LUZP1: variants seen among roughly 807,000 people sequenced by gnomAD.
LUZP1 encodes the protein leucine zipper protein 1.
A neutral mutation model predicts 71.3 loss-of-function variants in LUZP1; 25 were observed. The ratio of observed to expected loss-of-function variants is 0.35; its 90% CI spans 0.26 to 0.49. The LOEUF is 0.49. Among genes scored for constraint, LUZP1 ranks in the 20% least tolerant of loss-of-function variants. The pLI, the probability that LUZP1 is intolerant of heterozygous loss-of-function variation, is 0.99. For synonymous variants in LUZP1, 481 were observed against 506.4 expected, an observed-to-expected ratio of 0.95 and a Z score of 0.67; for missense variants, 1,142 against 1,300.8, an observed-to-expected ratio of 0.88 and a Z score of 1.88.
intron 2 of LUZP1, among the ~76,000 whole-genome samples, chr1:23,116,384 G>A (rs1644078835): frequency 6.6e-6 from 1 of 152,116 alleles, no homozygotes; most frequent in Admixed American, 6.5e-5. Flanking sequence ...GGCCAGGCAT[G>A]GTGGTATATG....
intron 2 of LUZP1, among the ~76,000 whole-genome samples, chr1:23,130,485 A>G (rs1033387596): frequency 6.7e-6 from 1 of 149,910 alleles, no homozygotes; most frequent in Non-Finnish European, 1.5e-5. Flanking sequence ...AGGGAAAGAG[A>G]GGCGGGGTTA....
chr1:23,145,099 C>T (rs975933245), intron 2 of LUZP1, among the ~76,000 whole-genome samples: 1 of 151,982 alleles, frequency 6.6e-6, no homozygotes, highest in Admixed American at 6.6e-5. Flanking sequence ...GACAGGGTTT[C>T]ACCATGTTGC....
At chr1:23,105,573 G>GTACC (rs1643974059) in intron 3 of LUZP1, among the ~76,000 whole-genome samples, 1 of 152,158 alleles carries the variant, frequency 6.6e-6, no homozygotes, top group African/African-American at 2.4e-5. Context: ...GCTTAGACTA[G>GTACC]TACCTGGTCT....
chr1:23,117,477 C>CTCT (rs34248788), intron 2 of LUZP1, among the ~76,000 whole-genome samples: 449 of 13,840 alleles, frequency 0.032, 7 homozygotes, highest in Non-Finnish European at 0.04. Context: ...CTCTCTCTCT[C>CTCT]CCCCCCCCCC....
At chr1:23,122,609 C>T (rs1356837318) in intron 2 of LUZP1, among the ~76,000 whole-genome samples, 2 of 152,190 alleles carry the variant, frequency 1.3e-5, no homozygotes, top group African/African-American at 2.4e-5. Context: ...CAGGCTAAGC[C>T]GATTAGTTTA....
At chr1:23,147,591 T>C (rs1176715796) in intron 2 of LUZP1, among the ~76,000 whole-genome samples, 1 of 107,714 alleles carries the variant, frequency 9.3e-6, no homozygotes, top group Admixed American at 1.4e-4. Flanking sequence ...CTGGGCAACA[T>C]AGTAAGACCC....
chr1:23,130,157 A>G (rs1199426282), intron 2 of LUZP1, among the ~76,000 whole-genome samples: 1 of 152,168 alleles, frequency 6.6e-6, no homozygotes, highest in African/African-American at 2.4e-5. Context: ...TACCCTTTCC[A>G]TCTCATCAAA....
At chr1:23,142,700 T>TACACACACACAC (rs60316911) in intron 2 of LUZP1, among the ~76,000 whole-genome samples, 3 of 104,338 alleles carry the variant, frequency 2.9e-5, no homozygotes, top group Middle Eastern at 4.1e-3. Flanking sequence ...TATATATATA[T>TACACACACACAC]ACACACACAC....
chr1:23,177,080 G>A lies in LUZP1; in HGVS notation c.-485+411C>T, dbSNP rs538872060. Among the ~76,000 whole-genome samples the A allele has an allele frequency of 4.6e-5, 7 of 151,600 alleles. No homozygotes were observed. In the East Asian group the frequency reaches 1.2e-3, roughly 25 times the overall value. On this transcript the variant is annotated intron_variant, in intron 1 of 4. Transcript: ENST00000302291. ...AATTTTCTGTAAGGATGATGGGGGG[G>A]GGGTCTCACTATGTTTCCCAGGCTG...
chr1:23,131,956 G>A (rs1569632405), intron 2 of LUZP1, among the ~76,000 whole-genome samples: 1 of 152,176 alleles, frequency 6.6e-6, no homozygotes, highest in South Asian at 2.1e-4. Flanking sequence ...AAAGTGCTGG[G>A]ATTACAAGCA....
chr1:23,134,891 T>C (rs1226353706), intron 2 of LUZP1, among the ~76,000 whole-genome samples: 1 of 152,178 alleles, frequency 6.6e-6, no homozygotes, highest in African/African-American at 2.4e-5. Context: ...ACAGGTAAAT[T>C]GTGTGCCACA....
intron 2 of LUZP1, among the ~76,000 whole-genome samples, chr1:23,157,503 C>G (rs1644429229): frequency 2.0e-5 from 3 of 152,056 alleles, no homozygotes; most frequent in Non-Finnish European, 4.4e-5. Flanking sequence ...ATATCAAGAC[C>G]TGTCTCGCCA....
exon 5 of LUZP1, chr1:23,087,066 G>A (rs1643776882): frequency 1.3e-5 from 2 of 152,144 alleles, no homozygotes; most frequent in Non-Finnish European, 1.5e-5. Flanking sequence ...CATAGGAGAT[G>A]CACAGGAACA....
chr1:23,154,138 T>C (rs559909673), intron 2 of LUZP1, among the ~76,000 whole-genome samples: 4 of 152,222 alleles, frequency 2.6e-5, no homozygotes, highest in South Asian at 4.2e-4. Flanking sequence ...ACGATAGGAA[T>C]AGAAAACAAC....
At chr1:23,155,542 G>C (rs547143045) in intron 2 of LUZP1, among the ~76,000 whole-genome samples, 1 of 152,294 alleles carries the variant, frequency 6.6e-6, no homozygotes, top group African/African-American at 2.4e-5. Flanking sequence ...TTGCTGAAAA[G>C]AGATTAAATA....
At chr1:23,149,258 AG>A (rs1644365663) in intron 2 of LUZP1, among the ~76,000 whole-genome samples, 1 of 152,078 alleles carries the variant, frequency 6.6e-6, no homozygotes, top group Non-Finnish European at 1.5e-5. Flanking sequence ...AAGAGAAAAC[AG>A]GAAGACTAGC....
chr1:23,109,676 G>A (rs1644012267), intron 2 of LUZP1: 2 of 152,172 alleles, frequency 1.3e-5, no homozygotes, highest in Admixed American at 1.3e-4. Context: ...ATTACCTTCA[G>A]GCTATATGTA....
At chr1:23,121,563 A>T (rs949640427) in intron 2 of LUZP1, among the ~76,000 whole-genome samples, 2 of 152,106 alleles carry the variant, frequency 1.3e-5, no homozygotes, top group Non-Finnish European at 2.9e-5. Flanking sequence ...ATAAAAAATA[A>T]AACAAAATTA....
At chr1:23,133,210 T>C (rs983971877) in intron 2 of LUZP1, among the ~76,000 whole-genome samples, 20 of 152,224 alleles carry the variant, frequency 1.3e-4, no homozygotes, top group African/African-American at 4.8e-4. Context: ...ACAGTGACGA[T>C]ATATACGAAC....
Sources: gnomAD v4.1 joint callset for allele counts (sites outside exome capture counted in the v4.1 genomes callset) on GRCh38, gnomAD v4.1.1 for gene constraint, MANE v1.5 for transcripts, NCBI Gene and HGNC (gene_info 2026-07-23, HGNC 2026-07-21) for gene names.